Variants in FMO3 observed in about 807,000 individuals in gnomAD.
The protein encoded by FMO3 is flavin containing dimethylaniline monoxygenase 3, also known as flavin-containing monooxygenase 3.
FMO3 carries 40 observed loss-of-function variants against 39.4 expected under a neutral mutation model. The observed-to-expected ratio is 1.02, with a 90% CI of 0.79 to 1.32. The LOEUF is 1.32. Ranked by LOEUF, FMO3 falls within the 40% of genes most tolerant of loss-of-function variation. FMO3 has a pLI of 0.00. For missense variants in FMO3, 680 were observed against 651.8 expected (o/e 1.04, Z -0.47); for synonymous variants, 219 against 228.8 (o/e 0.96, Z 0.39).
At chr1:171,108,300 G>T (rs985332444) in intron 5 of FMO3, 79 bp downstream of exon 5, 1 of 1,544,954 alleles carries the variant, frequency 6.5e-7, no homozygotes, top group African/African-American at 1.4e-5. Context: ...GATATGAAAT[G>T]TGGGGGAGGA....
intron 2 of FMO3, among the ~76,000 whole-genome samples, chr1:171,096,879 T>C (rs568265728): frequency 5.4e-4 from 81 of 151,240 alleles, no homozygotes; most frequent in Non-Finnish European, 1.5e-4. Flanking sequence ...CATGTTGGTG[T>C]GCGGCACCCA....
chr1:171,102,560 T>C (rs972649015), intron 2 of FMO3, among the ~76,000 whole-genome samples: 23 of 152,320 alleles, frequency 1.5e-4, no homozygotes, highest in Admixed American at 9.2e-4. Flanking sequence ...GAGCTTCCAT[T>C]TGTTGAACTC....
intron 2 of FMO3, among the ~76,000 whole-genome samples, chr1:171,094,795 A>G (rs1057010034): frequency 1.3e-5 from 2 of 152,098 alleles, no homozygotes; most frequent in African/African-American, 4.8e-5. Context: ...CCACTGATCT[A>G]TGTGTCTATG....
intron 2 of FMO3, among the ~76,000 whole-genome samples, chr1:171,098,876 A>G (rs1231074834): frequency 6.6e-6 from 1 of 152,190 alleles, no homozygotes; most frequent in Non-Finnish European, 1.5e-5. Context: ...GCCAGTTTTC[A>G]GAGGGAATGC....
At chr1:171,104,074 G>T (rs1211342241) in intron 3 of FMO3, 101 bp downstream of exon 3, 1 of 916,576 alleles carries the variant, frequency 1.1e-6, no homozygotes, top group Non-Finnish European at 1.7e-6. Context: ...TTTCTAATTT[G>T]TCAACATTTT....
intron 2 of FMO3, among the ~76,000 whole-genome samples, chr1:171,099,387 A>C (rs567274343): frequency 3.9e-5 from 6 of 152,262 alleles, no homozygotes; most frequent in Admixed American, 3.3e-4. Context: ...TGTGGAGCCT[A>C]CTGTATGTTA....
Position 171,099,253 on chromosome 1 carries a change from G to T in FMO3, c.133-4532G>T, listed in dbSNP as rs569486325. 3.9e-5 allele frequency among the ~76,000 whole-genome samples: 6 copies of T among 152,280 alleles called. No individual in the cohort carries two copies. In the South Asian group the frequency reaches 1.2e-3, roughly 32 times the overall value. On this transcript the variant is annotated intron_variant, in intron 2 of 8. Transcript: ENST00000367755. ...TGAGTTCTAGTTTGATTGCACTGTG[G>T]TCTGAGAGACAGTTTGTTATAATTT...
intron 3 of FMO3, among the ~76,000 whole-genome samples, chr1:171,106,227 A>AC (rs1270986352): frequency 3.3e-5 from 5 of 149,580 alleles, no homozygotes; most frequent in African/African-American, 1.2e-4. Context: ...CATAACCTCC[A>AC]CCTCCTAGGT....
intron 3 of FMO3, among the ~76,000 whole-genome samples, chr1:171,104,941 A>G (rs1245039954): frequency 6.6e-6 from 1 of 152,158 alleles, no homozygotes; most frequent in Non-Finnish European, 1.5e-5. Context: ...AAAGGCACAA[A>G]TAAATAATAT....
At chr1:171,101,247 C>T (rs974332719) in intron 2 of FMO3, 7 of 455,980 alleles carry the variant, frequency 1.5e-5, no homozygotes, top group African/African-American at 1.4e-4. Flanking sequence ...ATAGTGATTC[C>T]CGACTGCTGA....
intron 2 of FMO3, among the ~76,000 whole-genome samples, chr1:171,093,561 A>T (rs1306719052): frequency 6.6e-6 from 1 of 151,786 alleles, no homozygotes. Context: ...GTATGTATAT[A>T]CCACATTTTC....
chr1:171,107,593 C>T lies in FMO3; in HGVS notation c.322-82C>T, dbSNP rs150908941. On this transcript the variant is annotated intron_variant, in intron 3 of 8. Transcript: ENST00000367755. ...TTAATCATTAAATATTTTTCTTAAC[C>T]CACTTTTCTTTTTTCATACTGTATC... 4.5e-4 allele frequency: 477 copies of T among 1,070,412 alleles called. 2 individuals are homozygous for T. Among genetic ancestry groups the T allele is most frequent in the Non-Finnish European group, 5.9e-4 (417 of 701,210 alleles). 66.3% of individuals were successfully genotyped at this position (1,070,412 alleles called of 1,614,324 possible).
intron 2 of FMO3, among the ~76,000 whole-genome samples, chr1:171,103,200 T>C (rs1459555585): frequency 6.6e-6 from 1 of 152,190 alleles, no homozygotes; most frequent in African/African-American, 2.4e-5. Context: ...TCTAGTTACA[T>C]AGGCCTAAAG....
chr1:171,108,042 G>T lies in FMO3; in HGVS notation c.485-37G>T. On this transcript the variant is annotated intron_variant, in intron 4 of 8. Coordinates refer to ENST00000367755, the MANE Select transcript of FMO3 (RefSeq NM_001002294.3). The stretch of plus-strand genomic sequence containing the variant: ...TGTTAAAGTCTTTGTTTAAATATAT[G>T]ACTCAAACTGCCATGTATTTCTCAC... The T allele has an allele frequency of 7.5e-6, 12 of 1,609,094 alleles. No homozygotes were observed. In the East Asian group the frequency reaches 8.9e-5, roughly 12 times the overall value.
chr1:171,091,351 C>A lies in FMO3; in HGVS notation c.-7+370C>A, dbSNP rs1654693161. On this transcript the variant is annotated intron_variant, in intron 1 of 8. Coordinates refer to ENST00000367755, the MANE Select transcript of FMO3 (RefSeq NM_001002294.3). ...TGGCTAGAATGAGAATGATATAATT[C>A]AGGCAGTTTGTTTGTTTCTGGGAAT... is the stretch of plus-strand genomic sequence containing the variant. Among the ~76,000 whole-genome samples the A allele has an allele frequency of 4.0e-5, 6 of 151,768 alleles. No homozygotes were observed. In the South Asian group the frequency reaches 1.2e-3, roughly 32 times the overall value.
rs199860023 is a variant in FMO3 at position 171,106,163 on chromosome 1, G to A, written c.322-1512G>A. On this transcript the variant is annotated intron_variant, in intron 3 of 8. Transcript: ENST00000367755. ...GAATTTTTTTTTTTTGTTTTGACAC[G>A]GAGTTTCCCTCTTGCTGCCCAGGCT... Among the ~76,000 whole-genome samples the A allele has an allele frequency of 2.1e-4, 32 of 149,456 alleles. No homozygotes were observed. In the East Asian group the frequency reaches 4.7e-3, roughly 22 times the overall value.
chr1:171,094,774 T>C (rs1413769274), intron 2 of FMO3, among the ~76,000 whole-genome samples: 2 of 152,204 alleles, frequency 1.3e-5, no homozygotes, highest in East Asian at 3.8e-4. Context: ...TTCTGACTTC[T>C]CTATTCTGTT....
chr1:171,093,859 G>T (rs1272583397), intron 2 of FMO3, among the ~76,000 whole-genome samples: 1 of 121,192 alleles, frequency 8.3e-6, no homozygotes, highest in African/African-American at 3.3e-5. Context: ...TTTTGAGTGG[G>T]AGTCTCACTC....
chr1:171,106,325 A>G (rs1480039216), intron 3 of FMO3, among the ~76,000 whole-genome samples: 1 of 152,124 alleles, frequency 6.6e-6, no homozygotes, highest in African/African-American at 2.4e-5. Context: ...TTTTTAGTAG[A>G]GATGGGGTTT....
Sources: gnomAD v4.1 joint callset for allele counts (sites outside exome capture counted in the v4.1 genomes callset) on GRCh38, gnomAD v4.1.1 for gene constraint, MANE v1.5 for transcripts, NCBI Gene and HGNC (gene_info 2026-07-23, HGNC 2026-07-21) for gene names.